SLIT3: variants seen among roughly 807,000 people sequenced by gnomAD.
The protein encoded by SLIT3 is slit guidance ligand 3.
SLIT3 carries 68 observed loss-of-function variants against 184.0 expected under a neutral mutation model. That is an observed-to-expected ratio of 0.37 (90% CI 0.30 to 0.45). The LOEUF is 0.45. Among genes scored for constraint, SLIT3 ranks in the 20% least tolerant of loss-of-function variants. The pLI, the probability that SLIT3 is intolerant of heterozygous loss-of-function variation, is 1.00. For synonymous variants in SLIT3, 831 were observed against 828.6 expected (o/e 1.00, Z -0.05); for missense variants, 1,707 against 2,026.0 (o/e 0.84, Z 3.02).
At chr5:169,198,306 G>A (rs1345748032) in intron 3 of SLIT3, among the ~76,000 whole-genome samples, 1 of 152,190 alleles carries the variant, frequency 6.6e-6, no homozygotes, top group African/African-American at 2.4e-5. Context: ...TTAAAAGAAG[G>A]CTTCCCAAGG....
At chr5:169,246,921 C>CAAAAAAAA (rs34365189) in intron 2 of SLIT3, among the ~76,000 whole-genome samples, 1 of 25,606 alleles carries the variant, frequency 3.9e-5, no homozygotes, top group Non-Finnish European at 6.7e-5. Flanking sequence ...GACTCTGTCT[C>CAAAAAAAA]AAAAAAAAAA....
At chr5:168,803,624 A>G (rs559438095) in intron 9 of SLIT3, among the ~76,000 whole-genome samples, 49 of 152,252 alleles carry the variant, frequency 3.2e-4, no homozygotes, top group Non-Finnish European at 6.0e-4. Flanking sequence ...GAGCCCCTCA[A>G]TCAGGGCTGG....
intron 6 of SLIT3, among the ~76,000 whole-genome samples, chr5:168,835,094 T>C (rs191468679): frequency 2.8e-4 from 42 of 152,274 alleles, no homozygotes; most frequent in Admixed American, 2.1e-3. Context: ...AGAGATGCAA[T>C]ATTTCCCTCA....
In SLIT3 at chr5:168,673,280, T is replaced by A; in HGVS notation, c.3738A>T (p.Leu1246=). 5 of 1,614,128 alleles carry A rather than the reference T, an allele frequency of 3.1e-6. No homozygotes were observed. Among genetic ancestry groups the A allele is most frequent in the Non-Finnish European group, 4.2e-6 (5 of 1,180,028 alleles). Residue 1246 remains leucine, a synonymous_variant, in exon 33 of 36, where the codon CTA becomes CTT. Transcript: ENST00000519560. ...CCACTACTAGGTTCAGGGTCTGGTT[T>A]AGCGTCACCAGCTCCACACTGTGAA... The part of the protein sequence containing the change: ...GQFHSVELVT[L]NQTLNLVVDK...
intron 4 of SLIT3, among the ~76,000 whole-genome samples, chr5:168,919,683 A>C (rs1157612508): frequency 6.6e-6 from 1 of 152,166 alleles, no homozygotes; most frequent in Non-Finnish European, 1.5e-5. Context: ...TAATTATTAT[A>C]AAAACTTTAA....
At position 168,666,353 on chromosome 5, in the gene SLIT3, C is replaced by T; in HGVS notation, c.*101G>A. On this transcript the variant is annotated 3_prime_UTR_variant, in exon 36 of 36. Coordinates refer to ENST00000519560, the MANE Select transcript of SLIT3 (RefSeq NM_003062.4). ...TTCTCTTCTTCTTTACCTTCCTCTC[C>T]AGCTTCATTTCCTTCATGCTGAATC... 2.6e-6 allele frequency: 3 copies of T among 1,152,356 alleles called. No homozygotes were observed. The highest frequency in any genetic ancestry group is 1.5e-5 in the African/African-American group (1 of 64,614). The allele number at this position is 1,152,356 out of a possible 1,614,324, so 71.4% of individuals were successfully genotyped here.
chr5:168,789,291 T>C (rs1455902456), intron 11 of SLIT3, among the ~76,000 whole-genome samples: 1 of 151,174 alleles, frequency 6.6e-6, no homozygotes, highest in Non-Finnish European at 1.5e-5. Context: ...GGACGTGAGG[T>C]TGGAGTAGAA....
At chr5:168,914,765 C>T (rs1042041139) in intron 4 of SLIT3, among the ~76,000 whole-genome samples, 1 of 152,068 alleles carries the variant, frequency 6.6e-6, no homozygotes, top group African/African-American at 2.4e-5. Flanking sequence ...TACAAACTCA[C>T]ATACTCACAG....
intron 4 of SLIT3, among the ~76,000 whole-genome samples, chr5:169,061,817 A>T (rs550595832): frequency 1.3e-5 from 2 of 152,144 alleles, no homozygotes; most frequent in East Asian, 3.9e-4. Flanking sequence ...CTCAGAAACA[A>T]TCCCCTCCCC....
At chr5:169,290,976 G>A (rs1767345919) in intron 1 of SLIT3, among the ~76,000 whole-genome samples, 1 of 152,182 alleles carries the variant, frequency 6.6e-6, no homozygotes, top group Admixed American at 6.5e-5. Flanking sequence ...TAGACAAGGT[G>A]GGTGGTTAAG....
chr5:169,158,562 T>G (rs1477376942), intron 4 of SLIT3, among the ~76,000 whole-genome samples: 2 of 152,034 alleles, frequency 1.3e-5, no homozygotes, highest in African/African-American at 4.8e-5. Flanking sequence ...TATGGGAAAA[T>G]ATATTTCCTT....
At chr5:168,678,640 G>A (rs552093223) in intron 32 of SLIT3, among the ~76,000 whole-genome samples, 7 of 152,092 alleles carry the variant, frequency 4.6e-5, no homozygotes, top group East Asian at 1.9e-4. Context: ...CCAAGATCGC[G>A]CTACTGCACT....
chr5:168,973,246 T>TATG (rs1554086475), intron 4 of SLIT3, among the ~76,000 whole-genome samples: 1 of 144,808 alleles, frequency 6.9e-6, no homozygotes, highest in African/African-American at 2.6e-5. Flanking sequence ...AAATTTTAAT[T>TATG]ATTATTATTA....
At chr5:168,703,253 T>A (rs868180159) in intron 26 of SLIT3, among the ~76,000 whole-genome samples, 2,753 of 150,256 alleles carry the variant, frequency 0.018, 92 homozygotes, top group African/African-American at 0.063. Context: ...TGTGTGTGTG[T>A]GTGTGTGTGT....
chr5:169,211,866 T>A (rs1764277489), intron 3 of SLIT3, among the ~76,000 whole-genome samples: 1 of 152,178 alleles, frequency 6.6e-6, no homozygotes, highest in Non-Finnish European at 1.5e-5. Context: ...AACTCCCATT[T>A]ATGAGTGAGA....
intron 4 of SLIT3, among the ~76,000 whole-genome samples, chr5:168,998,242 G>A (rs775677750): frequency 3.3e-5 from 5 of 152,118 alleles, no homozygotes; most frequent in Non-Finnish European, 7.4e-5. Context: ...TCCCTTCCTT[G>A]TTTCTTTTCA....
chr5:169,011,149 C>T (rs951559583), intron 4 of SLIT3, among the ~76,000 whole-genome samples: 88 of 152,276 alleles, frequency 5.8e-4, no homozygotes, highest in African/African-American at 2.0e-3. Flanking sequence ...CTCCTGGACC[C>T]TGAATTGCTT....
intron 5 of SLIT3, among the ~76,000 whole-genome samples, chr5:168,858,382 C>T (rs1338853752): frequency 6.6e-6 from 1 of 152,242 alleles, no homozygotes; most frequent in Non-Finnish European, 1.5e-5. Context: ...CTTGTACTGC[C>T]CTTTCTGGCA....
chr5:169,011,552 A>C (rs1158735228), intron 4 of SLIT3, among the ~76,000 whole-genome samples: 1 of 152,134 alleles, frequency 6.6e-6, no homozygotes, highest in Non-Finnish European at 1.5e-5. Context: ...AGACTATCAG[A>C]GGTCCCTTGT....
Sources: gnomAD v4.1 joint callset for allele counts (sites outside exome capture counted in the v4.1 genomes callset) on GRCh38, gnomAD v4.1.1 for gene constraint, MANE v1.5 for transcripts, NCBI Gene and HGNC (gene_info 2026-07-23, HGNC 2026-07-21) for gene names.